GNAO1: variants seen among roughly 807,000 people sequenced by gnomAD.
GNAO1 encodes the protein G protein subunit alpha o1.
For synonymous variants in GNAO1, 164 were observed against 180.7 expected (o/e 0.91, Z 0.74); for missense variants, 166 against 478.7 (o/e 0.35, Z 6.10).
rs528472202 is a variant in GNAO1, at chr16:56,327,760, G to T, written c.304-871G>T. Among the ~76,000 whole-genome samples the T allele has an allele frequency of 2.6e-5, 4 of 152,118 alleles. No homozygotes were observed. In the South Asian group the frequency reaches 8.3e-4, roughly 32 times the overall value. ...TTTCAAGAAGGCTCAGCCTACACGT[G>T]TGCACCTTAAGCAAATTCATCTACA... On this transcript the variant is annotated intron_variant, in intron 3 of 8. Coordinates refer to ENST00000262493, the MANE Select transcript of GNAO1 (RefSeq NM_020988.3).
intron 3 of GNAO1, chr16:56,300,773 C>G (rs2037336734): frequency 6.6e-6 from 1 of 152,206 alleles, no homozygotes; most frequent in African/African-American, 2.4e-5. Flanking sequence ...ATCCTGCTCC[C>G]ACTTGGCTCT....
At chr16:56,249,336 T>A (rs1197488860) in intron 2 of GNAO1, among the ~76,000 whole-genome samples, 1 of 152,194 alleles carries the variant, frequency 6.6e-6, no homozygotes, top group African/African-American at 2.4e-5. Context: ...CAGGTGCTGC[T>A]ACGACACCGT....
At chr16:56,276,351 C>T (rs936300655) in intron 3 of GNAO1, 2 of 308,290 alleles carry the variant, frequency 6.5e-6, no homozygotes, top group Non-Finnish European at 1.2e-5. Flanking sequence ...TTGGAGCTGC[C>T]ACAACACTGT....
intron 4 of GNAO1, among the ~76,000 whole-genome samples, chr16:56,333,680 A>G (rs1026951844): frequency 6.6e-6 from 1 of 152,246 alleles, no homozygotes. Context: ...GTGGACATCC[A>G]TGAGCTGGTC....
intron 2 of GNAO1, among the ~76,000 whole-genome samples, chr16:56,209,299 A>G (rs1379378099): frequency 6.6e-6 from 1 of 152,202 alleles, no homozygotes; most frequent in Non-Finnish European, 1.5e-5. Context: ...CCTGTTTCTT[A>G]GCTCATATAG....
At chr16:56,242,393 G>A (rs1383995513) in intron 2 of GNAO1, among the ~76,000 whole-genome samples, 1 of 152,124 alleles carries the variant, frequency 6.6e-6, no homozygotes, top group Non-Finnish European at 1.5e-5. Flanking sequence ...GAATAAGGTA[G>A]GACTCACACC....
intron 2 of GNAO1, among the ~76,000 whole-genome samples, chr16:56,227,592 G>A (rs551884579): frequency 6.9e-6 from 1 of 144,886 alleles, no homozygotes; most frequent in African/African-American, 2.5e-5. Context: ...GGATGCCAAG[G>A]CAAGACGATC....
chr16:56,258,799 A>G (rs1209285915), intron 2 of GNAO1, among the ~76,000 whole-genome samples: 4 of 152,162 alleles, frequency 2.6e-5, no homozygotes, highest in African/African-American at 9.7e-5. Flanking sequence ...CCTCTGGGAG[A>G]GACAGGGGAT....
chr16:56,197,132 T>A (rs1190766), intron 2 of GNAO1, among the ~76,000 whole-genome samples: 12,269 of 152,284 alleles, frequency 0.081, 548 homozygotes, highest in African/African-American at 0.1. Flanking sequence ...ATGACAGGCA[T>A]TAATGGAGGT....
chr16:56,345,864 G>A, intron 6 of GNAO1: 3 of 985,514 alleles, frequency 3.0e-6, no homozygotes, highest in Non-Finnish European at 3.6e-6. Context: ...CGGCAAAAGG[G>A]GGATGCTGGC....
chr16:56,324,271 A>T (rs150469071), intron 3 of GNAO1, among the ~76,000 whole-genome samples: 1 of 152,200 alleles, frequency 6.6e-6, no homozygotes, highest in African/African-American at 2.4e-5. Context: ...GTGTCCTCCT[A>T]CAAAGCCTGT....
At position 56,297,298 on chromosome 16, in the gene GNAO1, T is replaced by C. The variant is rs966352617; in HGVS notation, c.303+21226T>C. Among the ~76,000 whole-genome samples, 4 of 151,882 alleles carry C rather than the reference T, an allele frequency of 2.6e-5. No individual in the cohort carries two copies. The South Asian group carries it at 8.4e-4, about 32-fold the overall frequency. ...ACTCACGCCCTGCCCTGTACCCTCA[T>C]CCATACAGCAAGCTCATGAGCCGGC... On this transcript the variant is annotated intron_variant, in intron 3 of 8. Transcript: ENST00000262493.
chr16:56,203,928 A>C (rs577173376), intron 2 of GNAO1, among the ~76,000 whole-genome samples: 17 of 152,290 alleles, frequency 1.1e-4, no homozygotes, highest in African/African-American at 3.6e-4. Context: ...GGGTTCCCTG[A>C]TAGTTTTTCT....
At position 56,191,792 on chromosome 16, in the gene GNAO1, C is replaced by T; in HGVS notation, c.-444C>T. 4.5e-6 allele frequency: 1 copy of T among 221,844 alleles called. No homozygotes were observed. Among genetic ancestry groups the T allele is most frequent in the Non-Finnish European group, 8.8e-6 (1 of 113,860 alleles). 13.7% of individuals were successfully genotyped at this position (221,844 alleles called of 1,614,324 possible). A position where few individuals can be genotyped will look rare whatever the true frequency, so the allele number is the denominator to read the frequency against. ...TCCTCCACCTCCTCCTCCGCCGCCGCCGCCTCCTCCTCCTCCGGCAGCCGC... is the reference window on the plus strand; with the variant it reads ...TCCTCCACCTCCTCCTCCGCCGCCGTCGCCTCCTCCTCCTCCGGCAGCCGC... On this transcript the variant is annotated 5_prime_UTR_variant, in exon 1 of 9. Coordinates refer to ENST00000262493, the MANE Select transcript of GNAO1 (RefSeq NM_020988.3). The surrounding 1 kb of genome is among the most constrained non-coding windows in gnomAD (Gnocchi z 4.7).
intron 6 of GNAO1, among the ~76,000 whole-genome samples, chr16:56,350,542 G>C (rs758068306): frequency 2.0e-5 from 3 of 152,180 alleles, no homozygotes; most frequent in Non-Finnish European, 1.5e-5. Flanking sequence ...CGCCCATCAC[G>C]TTCATCCATT....
intron 2 of GNAO1, among the ~76,000 whole-genome samples, chr16:56,238,393 A>G (rs1338324408): frequency 6.6e-6 from 1 of 152,252 alleles, no homozygotes; most frequent in East Asian, 1.9e-4. Context: ...CCAGAGGCAC[A>G]GCGGGTTCTA....
At chr16:56,262,805 T>G (rs928079186) in intron 2 of GNAO1, among the ~76,000 whole-genome samples, 6 of 152,186 alleles carry the variant, frequency 3.9e-5, no homozygotes, top group African/African-American at 1.4e-4. Flanking sequence ...AAATTGACAT[T>G]GAACCAATTT....
chr16:56,241,770 T>C (rs1363886975), intron 2 of GNAO1, among the ~76,000 whole-genome samples: 1 of 152,244 alleles, frequency 6.6e-6, no homozygotes, highest in Non-Finnish European at 1.5e-5. Flanking sequence ...TGCAGTCCAG[T>C]GTCCCTTCGT....
rs185523440 is a variant in GNAO1 at position 56,320,366 on chromosome 16, A to G, written c.304-8265A>G. 1.9e-4 allele frequency among the ~76,000 whole-genome samples: 29 copies of G among 152,286 alleles called. No individual in the cohort carries two copies. The East Asian group carries it at 5.6e-3, about 29-fold the overall frequency. ...ACCCCTCAGGGCCATCCCTGTGCTA[A>G]GTGCCCTCCGTTTGCTCACACAACA... On this transcript the variant is annotated intron_variant, in intron 3 of 8. Transcript: ENST00000262493.
Sources: allele counts gnomAD v4.1 joint callset (sites outside exome capture counted in the v4.1 genomes callset), GRCh38; gene constraint gnomAD v4.1.1; non-coding constraint Gnocchi (gnomAD v3.1); transcripts MANE v1.5; gene names NCBI Gene and HGNC (gene_info 2026-07-23, HGNC 2026-07-21).